TAF7L: variants seen among roughly 807,000 people sequenced by gnomAD.
The protein encoded by TAF7L is transcription initiation factor TFIID subunit 7-like.
TAF7L carries 6 observed loss-of-function variants against 30.2 expected under a neutral mutation model. The observed-to-expected ratio is 0.20, with a 90% CI of 0.11 to 0.39. The LOEUF is 0.39. Among genes scored for constraint, TAF7L ranks in the 10% least tolerant of loss-of-function variants. The probability of loss-of-function intolerance (pLI) is 1.00; values close to 1 mark genes in which losing one functional copy is unlikely to be tolerated. For missense variants in TAF7L, 284 were observed against 277.1 expected (o/e 1.03, Z -0.18); for synonymous variants, 93 against 94.5 (o/e 0.98, Z 0.09).
chrX:101,277,958 G>T, intron 8 of TAF7L, 91 bp downstream of exon 8: 1 of 784,513 alleles, frequency 1.3e-6, no homozygotes, highest in Non-Finnish European at 2.0e-6. Context: ...CACACATCAA[G>T]ACTGGCACAC....
chrX:101,279,100 G>T (rs1924315741), intron 6 of TAF7L, 65 bp from the exon 7 acceptor site: 1 of 908,733 alleles, frequency 1.1e-6, no homozygotes, highest in Non-Finnish European at 1.6e-6. Flanking sequence ...AGCTTAAAGA[G>T]CTCTACAACT....
At chrX:101,291,565 G>T (rs1176854612), upstream of TAF7L, among the ~76,000 whole-genome samples, 3 of 112,365 alleles carry the variant, frequency 2.7e-5, no homozygotes, top group Admixed American at 9.4e-5. Flanking sequence ...CAAGACCGAG[G>T]CTTCAAAACA....
In TAF7L at chrX:101,276,455, T is replaced by C. The variant is rs201479972; in HGVS notation, c.765A>G (p.Glu255=). The part of the protein sequence containing the change: ...NNDDDEDEDD[E]DEDEDEDEDE... ...CCTCATCCTCATCCTCATCCTCATC[T>C]TCATCATCCTCATCCTCATCATCAT... The change falls in exon 10 of 13, where the codon GAA becomes GAG. Residue 255 remains glutamate, a synonymous_variant. Coordinates refer to ENST00000356784, the MANE Select transcript of TAF7L (RefSeq NM_001168474.2). 5.9e-6 allele frequency: 7 copies of C among 1,183,133 alleles called. No individual in the cohort carries two copies. The highest frequency in any genetic ancestry group is 3.0e-5 in the East Asian group (1 of 33,709).
intron 6 of TAF7L, among the ~76,000 whole-genome samples, chrX:101,279,647 T>TA (rs1924334472): frequency 9.4e-6 from 1 of 106,163 alleles, no homozygotes; most frequent in African/African-American, 3.6e-5. Context: ...AATAAATAAA[T>TA]AAAGATATGG....
At chrX:101,270,059 G>A (rs1923918483) in intron 12 of TAF7L, among the ~76,000 whole-genome samples, 1 of 111,325 alleles carries the variant, frequency 9.0e-6, no homozygotes, top group African/African-American at 3.3e-5. Context: ...CTTAGAAACT[G>A]AGCCAGAGCC....
chrX:101,278,961 G>T, intron 7 of TAF7L, 33 bp downstream of exon 7: 1 of 1,156,572 alleles, frequency 8.6e-7, no homozygotes, highest in Middle Eastern at 2.4e-4. Context: ...ACACATTAAG[G>T]GTAAAAATGA....
upstream of TAF7L, among the ~76,000 whole-genome samples, chrX:101,292,524 G>A (rs940453029): frequency 1.9e-5 from 2 of 106,848 alleles, no homozygotes; most frequent in Non-Finnish European, 3.8e-5. Flanking sequence ...CCCTAGGCAC[G>A]GTGACCTCGC....
chrX:101,288,740 G>A (rs1166100243), intron 1 of TAF7L, among the ~76,000 whole-genome samples: 3 of 109,958 alleles, frequency 2.7e-5, no homozygotes, highest in African/African-American at 9.9e-5. Flanking sequence ...TTGGTGAAGT[G>A]AATACTTTCT....
chrX:101,271,276 G>T (rs1923956110), intron 12 of TAF7L, among the ~76,000 whole-genome samples: 1 of 111,649 alleles, frequency 9.0e-6, no homozygotes, highest in African/African-American at 3.3e-5. Flanking sequence ...TTAACAATGG[G>T]GATATGTTCT....
At chrX:101,286,188 A>T (rs867858340) in intron 3 of TAF7L, among the ~76,000 whole-genome samples, 2 of 106,001 alleles carry the variant, frequency 1.9e-5, no homozygotes, top group Non-Finnish European at 3.9e-5. Flanking sequence ...CTCAAAAAAA[A>T]AAAAAAAGAA....
In TAF7L at chrX:101,291,333, A is replaced by T; in HGVS notation, c.-112T>A. The T allele has an allele frequency of 4.0e-6, 3 of 749,342 alleles. No individual in the cohort carries two copies. Among genetic ancestry groups the T allele is most frequent in the Non-Finnish European group, 4.7e-6 (3 of 634,668 alleles). 61.8% of individuals were successfully genotyped at this position (749,342 alleles called of 1,213,427 possible). A position where few individuals can be genotyped will look rare whatever the true frequency, so the allele number is the denominator to read the frequency against. ...GCTCCCGCGCGGAACGTAGAGGCGA[A>T]CGCTGGGCTGCCGGCGCCTGGACAG... On this transcript the variant is annotated 5_prime_UTR_variant, in exon 1 of 13. Transcript: ENST00000356784.
chrX:101,282,237 A>T, intron 5 of TAF7L, 90 bp downstream of exon 5: 2 of 1,116,441 alleles, frequency 1.8e-6, no homozygotes, highest in Non-Finnish European at 2.4e-6. Context: ...CAAACACCTA[A>T]GTGTGGTAAG....
rs866572722 is a variant in TAF7L at position 101,284,771 on chromosome X, T to G, written c.146-1188A>C. On this transcript the variant is annotated intron_variant, in intron 3 of 12. Transcript: ENST00000356784. ...TATGAGCCACTTTTTGTTTTCTCCT[T>G]TATATGCTTCTCTGTATTAAAAAAA... 3.8e-5 allele frequency among the ~76,000 whole-genome samples: 4 copies of G among 104,627 alleles called. No homozygotes were observed. The South Asian group carries it at 1.6e-3, about 42-fold the overall frequency. The allele number at this position is 104,627 out of a possible 115,157, so 90.9% of individuals were successfully genotyped here. A position where few individuals can be genotyped will look rare whatever the true frequency, so the allele number is the denominator to read the frequency against.
Position 101,287,517 on chromosome X carries a change from A to G in TAF7L, c.27T>C (p.Pro9=). ...ATATAAACTGGTTCTCAACTTCATCAGGAACTTCATCCTGGCTTTCACTCA... is the reference window on the plus strand; with the variant it reads ...ATATAAACTGGTTCTCAACTTCATCGGGAACTTCATCCTGGCTTTCACTCA... MSESQDEV[P]DEVENQFILR... is the part of the protein sequence containing the mutation. Residue 9 remains proline (P), a synonymous_variant, in exon 2 of 13, where the codon CCT becomes CCC. Transcript: ENST00000356784. The G allele has an allele frequency of 8.3e-7, 1 of 1,210,115 alleles. No individual in the cohort carries two copies. The highest frequency in any genetic ancestry group is 1.1e-6 in the Non-Finnish European group (1 of 894,365).
At chrX:101,269,279 T>C (rs367704943) in intron 12 of TAF7L, 42 bp from the exon 13 acceptor site, 12 of 1,116,402 alleles carry the variant, frequency 1.1e-5, no homozygotes, top group Non-Finnish European at 1.3e-5. Flanking sequence ...TCATTTGAAA[T>C]TTGAGGTCCC....
chrX:101,270,884 C>G (rs1923944102), intron 12 of TAF7L, among the ~76,000 whole-genome samples: 1 of 111,455 alleles, frequency 9.0e-6, no homozygotes. Context: ...AAAATCTAAA[C>G]TGTTCACCCT....
At chrX:101,286,521 A>G (rs1240076837) in intron 3 of TAF7L, 54 bp downstream of exon 3, 1 of 906,209 alleles carries the variant, frequency 1.1e-6, no homozygotes, top group Non-Finnish European at 1.6e-6. Flanking sequence ...GGCACATAGC[A>G]ATCCCTTAAT....
chrX:101,275,173 A>G (rs751331322), intron 12 of TAF7L, 49 bp downstream of exon 12: 3 of 910,609 alleles, frequency 3.3e-6, no homozygotes, highest in South Asian at 4.3e-5. Context: ...GAAGTGGGGG[A>G]TTCTCTGTAT....
At chrX:101,292,377 T>C (rs1924853827), upstream of TAF7L, among the ~76,000 whole-genome samples, 1 of 99,410 alleles carries the variant, frequency 1.0e-5, no homozygotes, top group Non-Finnish European at 2.0e-5. Context: ...AGGTGGAGGT[T>C]ATAGTGAGCC....
Sources: allele counts gnomAD v4.1 joint callset (sites outside exome capture counted in the v4.1 genomes callset), GRCh38; gene constraint gnomAD v4.1.1; transcripts MANE v1.5; gene names NCBI Gene and HGNC (gene_info 2026-07-23, HGNC 2026-07-21).